The following LHFPL4 variants were observed in gnomAD, a reference collection of about 807,000 sequenced individuals.
LHFPL4 encodes LHFPL tetraspan subfamily member 4, also known as LHFPL tetraspan subfamily member 4 protein.
In LHFPL4, 6 loss-of-function variants were observed where a neutral mutation model predicts 20.0. The ratio of observed to expected loss-of-function variants is 0.30; its 90% CI spans 0.16 to 0.59. The LOEUF (loss-of-function observed/expected upper bound fraction) is 0.59, where lower values mean the gene tolerates loss of function less well. Ranked by LOEUF, LHFPL4 falls within the 20% of genes least tolerant of loss-of-function variation. The probability of loss-of-function intolerance (pLI) is 0.88; values close to 1 mark genes in which losing one functional copy is unlikely to be tolerated. For synonymous variants in LHFPL4, 129 were observed against 143.8 expected (o/e 0.90, Z 0.74); for missense variants, 215 against 331.2 (o/e 0.65, Z 2.72).
chr3:9,533,751 C>T (rs2046426513), intron 2 of LHFPL4, among the ~76,000 whole-genome samples: 1 of 152,080 alleles, frequency 6.6e-6, no homozygotes, highest in Non-Finnish European at 1.5e-5. Context: ...CACTGCACTC[C>T]AGCCTGGGCA....
At chr3:9,541,252 T>G (rs2046474489) in intron 2 of LHFPL4, among the ~76,000 whole-genome samples, 1 of 152,024 alleles carries the variant, frequency 6.6e-6, no homozygotes, top group Non-Finnish European at 1.5e-5. Flanking sequence ...AAATAAAAAT[T>G]TTTAAAAGAC....
intron 2 of LHFPL4, among the ~76,000 whole-genome samples, chr3:9,546,879 T>C (rs905346392): frequency 6.6e-6 from 1 of 152,226 alleles, no homozygotes; most frequent in Non-Finnish European, 1.5e-5. Context: ...GCAATGATAA[T>C]TTCTATTTTT....
At chr3:9,522,387 T>C (rs1030861892) in intron 2 of LHFPL4, among the ~76,000 whole-genome samples, 2 of 152,210 alleles carry the variant, frequency 1.3e-5, no homozygotes, top group African/African-American at 4.8e-5. Flanking sequence ...ATGTGTATAA[T>C]TGAAAACACT....
chr3:9,534,692 G>C (rs1365107876), intron 2 of LHFPL4, among the ~76,000 whole-genome samples: 1 of 152,076 alleles, frequency 6.6e-6, no homozygotes, highest in Admixed American at 6.6e-5. Context: ...TTGACTGCTA[G>C]TAAATGACTA....
At chr3:9,528,612 T>TTTA (rs1362969421) in intron 2 of LHFPL4, among the ~76,000 whole-genome samples, 6 of 152,020 alleles carry the variant, frequency 3.9e-5, no homozygotes, top group East Asian at 3.9e-4. Context: ...CAATGTTCCA[T>TTTA]TTATTATTAT....
chr3:9,523,090 A>AAGAAAGAAAGAAAG (rs1487753781), intron 2 of LHFPL4, among the ~76,000 whole-genome samples: 5 of 142,984 alleles, frequency 3.5e-5, no homozygotes, highest in African/African-American at 7.9e-5. Flanking sequence ...GAAAGAAAGA[A>AAGAAAGAAAGAAAG]AGAGAGAGAG....
In LHFPL4 at chr3:9,552,256, G is replaced by A. The variant is rs146419296; in HGVS notation, c.406+18C>T. 79 of 1,575,038 alleles carry A rather than the reference G, an allele frequency of 5.0e-5. No homozygotes were observed. In the African/African-American group the frequency reaches 8.5e-4, roughly 17 times the overall value. ...CCCTGGCGCTTGTTCTGGGAGTTCC[G>A]TCCACCCCCTCCCCTACCTGCCAAG... On this transcript the variant is annotated intron_variant, in intron 2 of 3. Coordinates refer to ENST00000287585, the MANE Select transcript of LHFPL4 (RefSeq NM_198560.3).
intron 2 of LHFPL4, among the ~76,000 whole-genome samples, chr3:9,539,674 T>G (rs1033066250): frequency 5.9e-5 from 9 of 151,896 alleles, no homozygotes; most frequent in Non-Finnish European, 1.2e-4. Flanking sequence ...ATAGACAAAG[T>G]CAAAAGATAA....
intron 2 of LHFPL4, among the ~76,000 whole-genome samples, chr3:9,511,762 A>G (rs1430115972): frequency 6.6e-6 from 1 of 152,208 alleles, no homozygotes; most frequent in African/African-American, 2.4e-5. Flanking sequence ...TTAAAGATGC[A>G]TTAGCACCAA....
At chr3:9,533,075 G>A (rs2046420705) in intron 2 of LHFPL4, among the ~76,000 whole-genome samples, 1 of 152,170 alleles carries the variant, frequency 6.6e-6, no homozygotes, top group African/African-American at 2.4e-5. Context: ...GAAGGAAAAT[G>A]TCTACAAGTT....
intron 2 of LHFPL4, among the ~76,000 whole-genome samples, chr3:9,528,865 T>C (rs1361227042): frequency 6.6e-6 from 1 of 151,954 alleles, no homozygotes; most frequent in Non-Finnish European, 1.5e-5. Flanking sequence ...TCTGCTCACC[T>C]TGACCTCCCA....
rs1028834779 is a variant in LHFPL4 at position 9,533,654 on chromosome 3, C to T, written c.406+18620G>A. ...AAAATTAGCTGGGTGTGGTGGCGGG[C>T]GCCTGTAGTCCCAGCTGCTCAGGAG... On this transcript the variant is annotated intron_variant, in intron 2 of 3. Coordinates refer to ENST00000287585, the MANE Select transcript of LHFPL4 (RefSeq NM_198560.3). Among the ~76,000 whole-genome samples the T allele has an allele frequency of 1.1e-4, 17 of 152,082 alleles. 1 individual carries two copies. Among genetic ancestry groups the T allele is most frequent in the African/African-American group, 3.1e-4 (13 of 41,482 alleles).
At chr3:9,518,042 G>A (rs2046315444) in intron 2 of LHFPL4, among the ~76,000 whole-genome samples, 1 of 152,058 alleles carries the variant, frequency 6.6e-6, no homozygotes, top group Non-Finnish European at 1.5e-5. Context: ...TAAATATAAT[G>A]TCTGTTGTAG....
chr3:9,540,768 G>C (rs527416222), intron 2 of LHFPL4, among the ~76,000 whole-genome samples: 2 of 151,624 alleles, frequency 1.3e-5, no homozygotes, highest in African/African-American at 4.8e-5. Flanking sequence ...AGGCATGGTG[G>C]TGTATGCCTG....
At chr3:9,504,978 C>T (rs1468952626) in intron 3 of LHFPL4, among the ~76,000 whole-genome samples, 1 of 151,736 alleles carries the variant, frequency 6.6e-6, no homozygotes, top group Non-Finnish European at 1.5e-5. Flanking sequence ...TACTGAGATA[C>T]ATCCACTGTG....
chr3:9,547,787 C>CTTTGTTTTGTTTTGT (rs368545231), intron 2 of LHFPL4, among the ~76,000 whole-genome samples: 5,313 of 146,684 alleles, frequency 0.036, 131 homozygotes, highest in Non-Finnish European at 0.054. Context: ...GATTTTTGTT[C>CTTTGTTTTGTTTTGT]TTTGTTTTGT....
intron 2 of LHFPL4, among the ~76,000 whole-genome samples, chr3:9,532,624 C>T (rs994716923): frequency 1.3e-4 from 20 of 152,324 alleles, no homozygotes; most frequent in Middle Eastern, 6.8e-3. Context: ...CATGAGGCAC[C>T]GCGCCTGGCC....
In LHFPL4 at chr3:9,506,423, G is replaced by A. The variant is rs1045258889; in HGVS notation, c.407-220C>T. On this transcript the variant is annotated intron_variant, in intron 2 of 3. Transcript: ENST00000287585. The surrounding 1 kb of genome is among the most constrained non-coding windows in gnomAD (Gnocchi z 4.5). ...GGGTAGCAGAAACTTTCTGGAACCC[G>A]CAATGCCCTCTCCCTTCCCCATGAG... Among the ~76,000 whole-genome samples the A allele has an allele frequency of 1.3e-5, 2 of 152,054 alleles. No homozygotes were observed. Among genetic ancestry groups the A allele is most frequent in the Admixed American group, 6.6e-5 (1 of 15,254 alleles).
intron 2 of LHFPL4, among the ~76,000 whole-genome samples, chr3:9,542,902 G>A (rs1409729085): frequency 6.6e-6 from 1 of 151,970 alleles, no homozygotes; most frequent in African/African-American, 2.4e-5. Context: ...ATAAATTAGT[G>A]GTTGCTTAGG....
Sources: allele counts gnomAD v4.1 joint callset (sites outside exome capture counted in the v4.1 genomes callset), GRCh38; gene constraint gnomAD v4.1.1; non-coding constraint Gnocchi (gnomAD v3.1); transcripts MANE v1.5; gene names NCBI Gene and HGNC (gene_info 2026-07-23, HGNC 2026-07-21).